The following PAMR1 variants were observed in gnomAD, a reference collection of about 807,000 sequenced individuals.
PAMR1 encodes inactive serine protease PAMR1.
Under a neutral mutation model 81.8 loss-of-function variants are expected in PAMR1, and 88 were observed. The ratio of observed to expected loss-of-function variants is 1.08; its 90% confidence interval spans 0.91 to 1.28. The LOEUF is 1.28. Among genes scored for constraint, PAMR1 ranks in the 50% most tolerant of loss-of-function variants. PAMR1 has a pLI of 0.00. For missense variants in PAMR1, 935 were observed against 919.7 expected (o/e 1.02, Z -0.21); for synonymous variants, 336 against 345.3 (o/e 0.97, Z 0.30).
At chr11:35,526,535 T>G (rs145804369), upstream of PAMR1, among the ~76,000 whole-genome samples, 10 of 152,336 alleles carry the variant, frequency 6.6e-5, no homozygotes, top group East Asian at 1.9e-3. Context: ...CTTACATGTA[T>G]TAACTCAATT....
intron 3 of PAMR1, among the ~76,000 whole-genome samples, chr11:35,484,677 T>C (rs148981084): frequency 1.3e-5 from 2 of 152,210 alleles, no homozygotes; most frequent in African/African-American, 4.8e-5. Flanking sequence ...AGAAGATAAA[T>C]GTATTAAGGA....
intron 6 of PAMR1, among the ~76,000 whole-genome samples, chr11:35,464,233 G>T (rs1369648655): frequency 6.6e-6 from 1 of 152,098 alleles, no homozygotes; most frequent in African/African-American, 2.4e-5. Flanking sequence ...CCATCTTAAG[G>T]ACTTGGATGA....
chr11:35,441,850 T>C (rs1856177946), intron 6 of PAMR1, among the ~76,000 whole-genome samples, 157 bp from the exon 7 acceptor site: 1 of 152,230 alleles, frequency 6.6e-6, no homozygotes, highest in Non-Finnish European at 1.5e-5. Flanking sequence ...AAAATTCATG[T>C]ACTAGACATG....
chr11:35,508,975 T>A (rs1398194857), intron 1 of PAMR1, among the ~76,000 whole-genome samples: 2 of 152,224 alleles, frequency 1.3e-5, no homozygotes, highest in Non-Finnish European at 2.9e-5. Flanking sequence ...TGACTCCATG[T>A]CTTTGCTATT....
intron 6 of PAMR1, among the ~76,000 whole-genome samples, chr11:35,444,122 G>GC (rs1299841576): frequency 6.6e-6 from 1 of 152,174 alleles, no homozygotes; most frequent in Non-Finnish European, 1.5e-5. Context: ...AACCAAAACA[G>GC]CATGGTACTG....
chr11:35,483,118 G>A (rs189671425), intron 3 of PAMR1, among the ~76,000 whole-genome samples: 76 of 152,254 alleles, frequency 5.0e-4, no homozygotes, highest in Non-Finnish European at 9.3e-4. Flanking sequence ...TATTAGGCTG[G>A]TGGGAGAACT....
In PAMR1 at chr11:35,518,749, A is replaced by T. The variant is rs137881558; in HGVS notation, c.73+6764T>A. On this transcript the variant is annotated intron_variant, in intron 1 of 10. Transcript: ENST00000619888. ...TTGGAGTCATCCAACAATTCATTTG[A>T]TTTCAAGCAAAACAACCCAACATCC... 8.8e-3 allele frequency among the ~76,000 whole-genome samples: 1,342 copies of T among 152,126 alleles called. 10 individuals carry two copies. The highest frequency in any genetic ancestry group is 0.014 in the Non-Finnish European group (979 of 67,964).
intron 6 of PAMR1, among the ~76,000 whole-genome samples, chr11:35,463,475 C>T (rs1042384460): frequency 2.6e-5 from 4 of 152,180 alleles, no homozygotes; most frequent in South Asian, 2.1e-4. Flanking sequence ...TAGAGCAGGA[C>T]GATGAATCCC....
At chr11:35,449,532 A>G (rs1382643998) in intron 6 of PAMR1, among the ~76,000 whole-genome samples, 2 of 152,164 alleles carry the variant, frequency 1.3e-5, no homozygotes, top group Non-Finnish European at 2.9e-5. Flanking sequence ...ACTGTGAGGA[A>G]TTCTTCTCTG....
intron 1 of PAMR1, among the ~76,000 whole-genome samples, chr11:35,506,420 T>C (rs1441281995): frequency 1.3e-5 from 1 of 74,986 alleles, no homozygotes; most frequent in Non-Finnish European, 2.7e-5. Context: ...AGTGTTTTTT[T>C]TTTGTTTTTT....
intron 3 of PAMR1, among the ~76,000 whole-genome samples, chr11:35,488,740 A>AT (rs1352999316): frequency 1.6e-5 from 2 of 128,568 alleles, no homozygotes; most frequent in Non-Finnish European, 3.1e-5. Flanking sequence ...GGCATAGCTA[A>AT]TTTTGTATTG....
At chr11:35,527,994 C>T (rs1044486565), upstream of PAMR1, among the ~76,000 whole-genome samples, 1 of 151,910 alleles carries the variant, frequency 6.6e-6, no homozygotes, top group African/African-American at 2.4e-5. Context: ...TTTCATCTTC[C>T]CTCTCCCCAC....
In PAMR1 at chr11:35,494,210, A is replaced by C. The variant is rs776247917; in HGVS notation, c.136T>G (p.Cys46Gly). 4.3e-6 allele frequency: 7 copies of C among 1,613,968 alleles called. No homozygotes were observed. Among genetic ancestry groups the C allele is most frequent in the Non-Finnish European group, 5.9e-6 (7 of 1,179,930 alleles). The change falls in exon 2 of 11, where the codon TGT becomes GGT. Residue 46 changes from cysteine to glycine, a missense_variant. Cys to Gly is a radical substitution (Grantham distance 159, BLOSUM62 -3). Transcript: ENST00000619888. Reference protein sequence around the residue: ...AEWNIMCRECCEYDQIECVCP... With the variant: ...AEWNIMCRECGEYDQIECVCP... Reference sequence around the variant, plus strand: ...ACGCACTCAATCTGATCATATTCACAGCACTCCCGACACATGATATTCCAC... The same window carrying C: ...ACGCACTCAATCTGATCATATTCACCGCACTCCCGACACATGATATTCCAC...
intron 1 of PAMR1, among the ~76,000 whole-genome samples, chr11:35,522,330 T>C (rs1159268288): frequency 6.6e-6 from 1 of 152,240 alleles, no homozygotes; most frequent in African/African-American, 2.4e-5. Flanking sequence ...ATTGAAACTC[T>C]GTACCCATCA....
chr11:35,504,909 G>GAT (rs35554399), intron 1 of PAMR1, among the ~76,000 whole-genome samples: 47,288 of 151,108 alleles, frequency 0.31, 7,473 homozygotes, highest in African/African-American at 0.37. Context: ...CTTACTTTGG[G>GAT]TTTTTTTGTT....
intron 6 of PAMR1, among the ~76,000 whole-genome samples, chr11:35,465,156 T>C (rs1372755693): frequency 6.6e-6 from 1 of 152,222 alleles, no homozygotes; most frequent in Non-Finnish European, 1.5e-5. Flanking sequence ...CTGCTTCAAA[T>C]CACTCATTTG....
At chr11:35,464,419 A>G (rs1294894442) in intron 6 of PAMR1, among the ~76,000 whole-genome samples, 1 of 152,200 alleles carries the variant, frequency 6.6e-6, no homozygotes, top group Non-Finnish European at 1.5e-5. Context: ...AGGTTTTTCA[A>G]CCTTGGCACT....
At chr11:35,510,715 C>T (rs1348479147) in intron 1 of PAMR1, among the ~76,000 whole-genome samples, 1 of 152,084 alleles carries the variant, frequency 6.6e-6, no homozygotes, top group Non-Finnish European at 1.5e-5. Context: ...ATTTTAGAAA[C>T]TGTTTCTTTT....
intron 6 of PAMR1, among the ~76,000 whole-genome samples, chr11:35,461,612 A>T (rs1590338693): frequency 1.3e-5 from 2 of 150,590 alleles, no homozygotes; most frequent in Non-Finnish European, 3.0e-5. Context: ...CCCAAAATTA[A>T]AAAAAAAAAC....
Sources: gnomAD v4.1 joint callset for allele counts (sites outside exome capture counted in the v4.1 genomes callset) on GRCh38, gnomAD v4.1.1 for gene constraint, MANE v1.5 for transcripts, NCBI Gene and HGNC (gene_info 2026-07-23, HGNC 2026-07-21) for gene names.